Variants in TUSC3 observed in about 807,000 individuals in gnomAD.
TUSC3 encodes tumor suppressor candidate 3, also known as dolichyl-diphosphooligosaccharide--protein glycosyltransferase subunit TUSC3.
In TUSC3, 45 loss-of-function variants were observed where a neutral mutation model predicts 44.8. The ratio of observed to expected loss-of-function variants is 1.00; its 90% CI spans 0.79 to 1.29. The LOEUF (loss-of-function observed/expected upper bound fraction) is 1.29. Ranked by LOEUF, TUSC3 falls within the 50% of genes most tolerant of loss-of-function variation. The pLI, the probability that TUSC3 is intolerant of heterozygous loss-of-function variation, is 0.00. For missense variants in TUSC3, 519 were observed against 437.9 expected (o/e 1.19, Z -1.65); for synonymous variants, 212 against 152.9 (o/e 1.39, Z -2.85).
At chr8:15,829,288 A>G in the TUSC3 span, among the ~76,000 whole-genome samples, 3 of 152,176 alleles carry the variant, frequency 2.0e-5, no homozygotes, top group Non-Finnish European at 4.4e-5. Flanking sequence ...TAAACGTTTG[A>G]TAAAGTTTTT....
chr8:15,469,236 T>A (rs1365715355), intron 1 of TUSC3, among the ~76,000 whole-genome samples: 1 of 152,140 alleles, frequency 6.6e-6, no homozygotes, highest in East Asian at 1.9e-4. Context: ...AGTCACTGAC[T>A]AGGAAAAATA....
chr8:15,623,361 A>G (rs1007626655), intron 2 of TUSC3, 112 bp downstream of exon 2: 5 of 1,094,008 alleles, frequency 4.6e-6, no homozygotes, highest in South Asian at 2.4e-5. Flanking sequence ...TTAATAGTCA[A>G]ATATAACTGT....
At chr8:15,677,356 T>A (rs1346107308) in intron 6 of TUSC3, among the ~76,000 whole-genome samples, 1 of 152,198 alleles carries the variant, frequency 6.6e-6, no homozygotes, top group Non-Finnish European at 1.5e-5. Context: ...TGTGACATTT[T>A]ATATGCTTAC....
At chr8:15,800,903 T>A in the TUSC3 span, among the ~76,000 whole-genome samples, 1 of 152,200 alleles carries the variant, frequency 6.6e-6, no homozygotes, top group African/African-American at 2.4e-5. Context: ...CCAAGCAATA[T>A]GGCTAGATGC....
chr8:15,761,730 A>G (rs527886278), intron 10 of TUSC3, among the ~76,000 whole-genome samples: 4 of 152,252 alleles, frequency 2.6e-5, no homozygotes, highest in African/African-American at 9.6e-5. Flanking sequence ...GCAGACCGCA[A>G]AAGTGAAAAG....
the TUSC3 span, among the ~76,000 whole-genome samples, chr8:15,814,348 C>A: frequency 2.0e-5 from 3 of 152,064 alleles, no homozygotes; most frequent in African/African-American, 7.2e-5. Flanking sequence ...TTTTGCATTA[C>A]CTGACTTCTT....
At chr8:15,772,960 C>T in the TUSC3 span, among the ~76,000 whole-genome samples, 1 of 21,818 alleles carries the variant, frequency 4.6e-5, no homozygotes, top group Non-Finnish European at 1.0e-4. Flanking sequence ...ACCCATCCAT[C>T]ATTTAAAAGT....
chr8:15,563,847 C>A (rs564636078), intron 1 of TUSC3, among the ~76,000 whole-genome samples: 11 of 152,070 alleles, frequency 7.2e-5, no homozygotes, highest in African/African-American at 2.7e-4. Context: ...TCAAGTAATT[C>A]ACGTATCTTG....
At chr8:15,445,117 C>T (rs548607106) in intron 1 of TUSC3, among the ~76,000 whole-genome samples, 2 of 152,238 alleles carry the variant, frequency 1.3e-5, no homozygotes, top group East Asian at 3.9e-4. Flanking sequence ...CCTTCAACTG[C>T]AAATACATGG....
chr8:15,805,941 T>C, the TUSC3 span, among the ~76,000 whole-genome samples: 1 of 152,186 alleles, frequency 6.6e-6, no homozygotes, highest in Non-Finnish European at 1.5e-5. Context: ...TGGTTTGAAA[T>C]CATGTTTACT....
At chr8:15,531,169 G>C (rs1389884369) in intron 2 of TUSC3, among the ~76,000 whole-genome samples, 1 of 152,166 alleles carries the variant, frequency 6.6e-6, no homozygotes, top group Non-Finnish European at 1.5e-5. Context: ...TAAAATCCCA[G>C]GTTCAAAGTC....
At chr8:15,562,784 G>A (rs1240720766) in intron 1 of TUSC3, among the ~76,000 whole-genome samples, 2 of 152,178 alleles carry the variant, frequency 1.3e-5, no homozygotes, top group South Asian at 2.1e-4. Context: ...TTCACAGCAT[G>A]GCTATTTGCT....
At position 15,450,974 on chromosome 8, in the gene TUSC3, A is replaced by G. The variant is rs564520510; in HGVS notation, n.92-32412A>G. Among the ~76,000 whole-genome samples the G allele has an allele frequency of 2.6e-5, 4 of 152,206 alleles. No individual in the cohort carries two copies. The East Asian group carries it at 7.8e-4, about 30-fold the overall frequency. On this transcript the variant is annotated intron_variant and non_coding_transcript_variant, in intron 1 of 5. Coordinates refer to the TUSC3 transcript ENST00000503191. ...TTCTGGCAGTGAACTTGACCCCATG[A>G]CTAACACCATGGTCAATCCTGCCTG...
At chr8:15,806,141 G>C in the TUSC3 span, 1 of 451,358 alleles carries the variant, frequency 2.2e-6, no homozygotes, top group Admixed American at 2.8e-5. Flanking sequence ...GGCTAGATGA[G>C]CAGTTTTAGC....
chr8:15,461,136 A>C (rs1800339024), intron 1 of TUSC3, among the ~76,000 whole-genome samples: 1 of 152,122 alleles, frequency 6.6e-6, no homozygotes, highest in Admixed American at 6.6e-5. Flanking sequence ...TCATTTTCAC[A>C]GTACTGACTC....
At chr8:15,528,689 T>C (rs1379342032) in intron 2 of TUSC3, among the ~76,000 whole-genome samples, 1 of 152,244 alleles carries the variant, frequency 6.6e-6, no homozygotes, top group East Asian at 1.9e-4. Context: ...AGATACTCCC[T>C]GCATACTCCT....
intron 5 of TUSC3, among the ~76,000 whole-genome samples, chr8:15,669,195 A>C (rs1807820400): frequency 6.6e-6 from 1 of 151,840 alleles, no homozygotes; most frequent in South Asian, 2.1e-4. Context: ...AAACCAGCAA[A>C]CAAAACCAAC....
chr8:15,677,081 C>T (rs1002548280), intron 6 of TUSC3, among the ~76,000 whole-genome samples: 2 of 151,982 alleles, frequency 1.3e-5, no homozygotes, highest in South Asian at 2.1e-4. Context: ...TGCAGTGGTA[C>T]GATCATAGCT....
Position 15,766,313 on chromosome 8 carries a change from CAT to C in TUSC3, c.*2161_*2162del, listed in dbSNP as rs1341300866. ...GCAGAATTGCAAAGAGTGGCTCAAA[CAT>C]ATAGTTTGCTTGCAGAATGTAACGT... On this transcript the variant is annotated 3_prime_UTR_variant, in exon 11 of 11. Transcript: ENST00000503731. 1 of 152,014 alleles carries C rather than the reference CAT, an allele frequency of 6.6e-6. No homozygotes were observed. Among genetic ancestry groups the C allele is most frequent in the Non-Finnish European group, 1.5e-5 (1 of 67,966 alleles). 9.4% of individuals were successfully genotyped at this position (152,014 alleles called of 1,614,324 possible). A position where few individuals can be genotyped will look rare whatever the true frequency, so the allele number is the denominator to read the frequency against.
Sources: allele counts gnomAD v4.1 joint callset (sites outside exome capture counted in the v4.1 genomes callset), GRCh38; gene constraint gnomAD v4.1.1; transcripts MANE v1.5; gene names NCBI Gene and HGNC (gene_info 2026-07-23, HGNC 2026-07-21).